Variants in SCHIP1 observed in about 807,000 individuals in gnomAD.
SCHIP1 encodes the protein schwannomin-interacting protein 1.
Under a neutral mutation model 29.7 loss-of-function variants are expected in SCHIP1, and 8 were observed. The observed-to-expected ratio is 0.27, with a 90% confidence interval of 0.16 to 0.49. The LOEUF (loss-of-function observed/expected upper bound fraction) is 0.49, where lower values mean the gene tolerates loss of function less well. Ranked by LOEUF, SCHIP1 falls within the 20% of genes least tolerant of loss-of-function variation. The pLI is 0.99. For missense variants in SCHIP1, 193 were observed against 294.6 expected, an observed-to-expected ratio of 0.66 and a Z score of 2.52; for synonymous variants, 76 against 94.9, an observed-to-expected ratio of 0.80 and a Z score of 1.16.
At chr3:159,576,370 ATC>A in the SCHIP1 span, among the ~76,000 whole-genome samples, 1 of 151,972 alleles carries the variant, frequency 6.6e-6, no homozygotes, top group Admixed American at 6.6e-5. Flanking sequence ...TCTGCTATCA[ATC>A]TAATTGTTAT....
At chr3:159,329,648 A>T in the SCHIP1 span, among the ~76,000 whole-genome samples, 2 of 152,218 alleles carry the variant, frequency 1.3e-5, no homozygotes, top group Admixed American at 1.3e-4. Context: ...AGCCATCTAT[A>T]TTCAGATTTT....
At chr3:159,383,825 TC>T in the SCHIP1 span, among the ~76,000 whole-genome samples, 1 of 151,484 alleles carries the variant, frequency 6.6e-6, no homozygotes, top group Admixed American at 6.6e-5. Context: ...GTCCTTCACA[TC>T]CCTTGTAAGT....
the SCHIP1 span, among the ~76,000 whole-genome samples, chr3:159,519,113 G>A: frequency 6.6e-6 from 1 of 151,992 alleles, no homozygotes; most frequent in African/African-American, 2.4e-5. Flanking sequence ...ACTTACCAGA[G>A]GTGGTCCAAG....
chr3:159,856,370 G>A (rs558148727), intron 1 of SCHIP1, among the ~76,000 whole-genome samples: 3 of 152,238 alleles, frequency 2.0e-5, no homozygotes, highest in African/African-American at 7.2e-5. Flanking sequence ...CCAGATAGCC[G>A]GTGTGGACTT....
At chr3:159,402,636 A>G in the SCHIP1 span, among the ~76,000 whole-genome samples, 7 of 152,204 alleles carry the variant, frequency 4.6e-5, no homozygotes, top group East Asian at 3.8e-4. Flanking sequence ...TTGTAGGGAC[A>G]TGGATGAAAC....
chr3:159,760,524 C>T, the SCHIP1 span, among the ~76,000 whole-genome samples: 1 of 152,224 alleles, frequency 6.6e-6, no homozygotes, highest in Admixed American at 6.5e-5. Flanking sequence ...CTGTCTTCAG[C>T]CTCCTCATCT....
At chr3:159,635,210 A>C in the SCHIP1 span, among the ~76,000 whole-genome samples, 1 of 152,176 alleles carries the variant, frequency 6.6e-6, no homozygotes, top group African/African-American at 2.4e-5. Context: ...GATAAGTCAA[A>C]TATTTCACAA....
At chr3:159,547,702 C>T in the SCHIP1 span, among the ~76,000 whole-genome samples, 1 of 152,004 alleles carries the variant, frequency 6.6e-6, no homozygotes, top group African/African-American at 2.4e-5. Context: ...GAAGGTTTGT[C>T]GAAGATCAGA....
At chr3:159,414,559 C>A in the SCHIP1 span, among the ~76,000 whole-genome samples, 2 of 152,096 alleles carry the variant, frequency 1.3e-5, no homozygotes, top group Non-Finnish European at 2.9e-5. Context: ...TCATATGTAA[C>A]CTTGTAGTAT....
chr3:159,654,735 A>G, the SCHIP1 span, among the ~76,000 whole-genome samples: 2 of 149,918 alleles, frequency 1.3e-5, no homozygotes, highest in South Asian at 4.2e-4. Context: ...GCTACGGGAC[A>G]CTTCAATTTC....
the SCHIP1 span, chr3:159,765,103 C>CGGAACCAGGGCCAGGCGA: frequency 6.4e-7 from 1 of 1,571,276 alleles, no homozygotes; most frequent in Non-Finnish European, 8.6e-7. Context: ...GCAGGAGGTA[C>CGGAACCAGGGCCAGGCGA]GGAACCAGGG....
At chr3:159,689,212 G>A in the SCHIP1 span, among the ~76,000 whole-genome samples, 1 of 152,272 alleles carries the variant, frequency 6.6e-6, no homozygotes, top group African/African-American at 2.4e-5. Flanking sequence ...TCACGATATT[G>A]ATTTTTCCTA....
At chr3:159,402,881 T>A in the SCHIP1 span, among the ~76,000 whole-genome samples, 3 of 152,072 alleles carry the variant, frequency 2.0e-5, no homozygotes, top group African/African-American at 7.2e-5. Context: ...TGTATACATA[T>A]GTAACAAACC....
At chr3:159,297,368 C>A in the SCHIP1 span, among the ~76,000 whole-genome samples, 2 of 152,052 alleles carry the variant, frequency 1.3e-5, no homozygotes, top group African/African-American at 4.8e-5. Context: ...TTTCGAGGAA[C>A]CTCCATACTG....
chr3:159,893,974 G>C (rs1476170641), intron 6 of SCHIP1: 1 of 152,222 alleles, frequency 6.6e-6, no homozygotes, highest in Admixed American at 6.5e-5. Context: ...GAAGGCGGAG[G>C]GGGTGGCTGT....
chr3:159,735,522 A>G, the SCHIP1 span, among the ~76,000 whole-genome samples: 10 of 152,208 alleles, frequency 6.6e-5, no homozygotes, highest in African/African-American at 2.2e-4. Flanking sequence ...GAGCCACCAC[A>G]CCTGGCCCCA....
At chr3:159,656,830 C>G in the SCHIP1 span, among the ~76,000 whole-genome samples, 1 of 152,172 alleles carries the variant, frequency 6.6e-6, no homozygotes, top group Non-Finnish European at 1.5e-5. Context: ...AGTTTGTAAA[C>G]TGCCCAGACA....
the SCHIP1 span, among the ~76,000 whole-genome samples, chr3:159,796,534 T>G: frequency 6.6e-6 from 1 of 152,146 alleles, no homozygotes; most frequent in East Asian, 1.9e-4. Flanking sequence ...GAACATAGCG[T>G]GACTGGAGCA....
chr3:159,395,955 A>C, the SCHIP1 span, among the ~76,000 whole-genome samples: 1,003 of 152,192 alleles, frequency 6.6e-3, 4 homozygotes, highest in Non-Finnish European at 8.2e-3. Context: ...GTGGGAGTCC[A>C]AGTCTCTTTG....
Sources: gnomAD v4.1 joint callset for allele counts (sites outside exome capture counted in the v4.1 genomes callset) on GRCh38, gnomAD v4.1.1 for gene constraint, MANE v1.5 for transcripts, NCBI Gene and HGNC (gene_info 2026-07-23, HGNC 2026-07-21) for gene names.